Variants in TMC4 observed in about 807,000 individuals in gnomAD.
TMC4 encodes the protein transmembrane channel like 4.
A neutral mutation model predicts 82.0 loss-of-function variants in TMC4; 70 were observed. The observed-to-expected ratio is 0.85, with a 90% CI of 0.70 to 1.04. The LOEUF is 1.04. TMC4 is among the 50% of genes least tolerant of loss of function. The pLI is 0.00. For missense variants in TMC4, 879 were observed against 899.0 expected, an observed-to-expected ratio of 0.98 and a Z score of 0.28; for synonymous variants, 446 against 406.0, an observed-to-expected ratio of 1.10 and a Z score of -1.18.
intron 2 of TMC4, among the ~76,000 whole-genome samples, chr19:54,171,187 C>T (rs563286877): frequency 6.6e-6 from 1 of 152,258 alleles, no homozygotes; most frequent in East Asian, 1.9e-4. Flanking sequence ...TGGCTCACTG[C>T]AACCTCTATC....
Position 54,160,277 on chromosome 19 carries a change from G to A in TMC4, c.*29C>T. Reference sequence around the variant, plus strand: ...GACCTAGGCTTACAATGGGCCTGGGGTCTGAAAGCGGGACGTGGGCTGCGG... The same window carrying A: ...GACCTAGGCTTACAATGGGCCTGGGATCTGAAAGCGGGACGTGGGCTGCGG... On this transcript the variant is annotated 3_prime_UTR_variant, in exon 15 of 15. Transcript: ENST00000619895. 1 of 1,512,906 alleles carries A rather than the reference G, an allele frequency of 6.6e-7. No individual in the cohort carries two copies. Among genetic ancestry groups the A allele is most frequent in the South Asian group, 1.3e-5 (1 of 74,724 alleles). The allele number at this position is 1,512,906 out of a possible 1,614,324, so 93.7% of individuals were successfully genotyped here.
At position 54,169,462 on chromosome 19, in the gene TMC4, C is replaced by T. The variant is rs575000440; in HGVS notation, c.442+50G>A. 3.7e-4 allele frequency: 572 copies of T among 1,562,266 alleles called. 6 individuals carry two copies. In the South Asian group the frequency reaches 5.2e-3, roughly 14 times the overall value. On this transcript the variant is annotated intron_variant, in intron 3 of 14. Coordinates refer to ENST00000619895, the MANE Select transcript of TMC4 (RefSeq NM_144686.4). ...CGTCCCCAGCCCCTCCTCCCTCAGA[C>T]CCAGGAGTCCAGGCCCTGCCCCCAG... is the stretch of plus-strand genomic sequence containing the variant.
intron 11 of TMC4, among the ~76,000 whole-genome samples, chr19:54,161,685 C>T (rs2075558917): frequency 6.6e-6 from 1 of 152,140 alleles, no homozygotes; most frequent in Non-Finnish European, 1.5e-5. Context: ...ATTACAGGCG[C>T]CTGCCACTAA....
At chr19:54,161,609 G>C (rs1484805942) in intron 11 of TMC4, among the ~76,000 whole-genome samples, 1 of 151,752 alleles carries the variant, frequency 6.6e-6, no homozygotes. Flanking sequence ...CACGATCTTG[G>C]CTCACTTCGA....
chr19:54,165,690 T>A, intron 5 of TMC4, 124 bp from the exon 6 acceptor site: 1 of 1,119,158 alleles, frequency 8.9e-7, no homozygotes, highest in South Asian at 1.6e-5. Context: ...CTAGGCGAGT[T>A]CCCACCAGAC....
In TMC4 at chr19:54,169,576, C is replaced by G; in HGVS notation, c.378G>C (p.Lys126Asn). The change falls in exon 3 of 15, where the codon AAG becomes AAC. Residue 126 changes from lysine (K) to asparagine (N), a missense_variant. Coordinates refer to ENST00000619895, the MANE Select transcript of TMC4 (RefSeq NM_144686.4). ...TTCGCAAGCCTTCCTTTGTTTTCTC[C>G]TTGGACCTCCGAAGTAGCCGCGCCC... ...DRWARLLRRS[K>N]EKTKEGLRSL... 1.9e-6 allele frequency: 3 copies of G among 1,613,996 alleles called. No homozygotes were observed. The highest frequency in any genetic ancestry group is 2.5e-6 in the Non-Finnish European group (3 of 1,180,022).
At position 54,164,317 on chromosome 19, in the gene TMC4, C is replaced by T. The variant is rs553343050; in HGVS notation, c.1113+117G>A. The T allele has an allele frequency of 5.3e-6, 7 of 1,318,394 alleles. No homozygotes were observed. In the Admixed American group the frequency reaches 1.3e-4, roughly 25 times the overall value. The allele number at this position is 1,318,394 out of a possible 1,614,324, so 81.7% of individuals were successfully genotyped here. The stretch of plus-strand genomic sequence containing the variant: ...CCCTAAGTCCAGGGTCCGAACATAC[C>T]CTCTCCCATACTTCCTCTCTAAGAT... On this transcript the variant is annotated intron_variant, in intron 7 of 14. Transcript: ENST00000619895.
chr19:54,163,888 C>A lies in TMC4; in HGVS notation c.1114-1G>T. Reference sequence around the variant, plus strand: ...GCAACTCCTGGACAAGGGGCATCTCCTGGGAGCGGGATGGACCATGAGTAG... The same window carrying A: ...GCAACTCCTGGACAAGGGGCATCTCATGGGAGCGGGATGGACCATGAGTAG... On this transcript the variant is annotated splice_acceptor_variant, in intron 7 of 14. Coordinates refer to ENST00000619895, the MANE Select transcript of TMC4 (RefSeq NM_144686.4). LOFTEE classifies it high-confidence loss of function. 6.2e-7 allele frequency: 1 copy of A among 1,614,038 alleles called. No homozygotes were observed. Among genetic ancestry groups the A allele is most frequent in the Non-Finnish European group, 8.5e-7 (1 of 1,180,008 alleles).
chr19:54,167,512 T>A (rs1175566022), intron 5 of TMC4, among the ~76,000 whole-genome samples: 1 of 151,150 alleles, frequency 6.6e-6, no homozygotes, highest in African/African-American at 2.4e-5. Context: ...TGAGCCAAGA[T>A]CGTGCCATTG....
chr19:54,165,525 T>G lies in TMC4; in HGVS notation c.839A>C (p.Glu280Ala). ...CCGGTGGCTGTAGCTGGTCAGAGCC[T>G]CGGACTCCGCCAGCAGTGTCTGCTT... is the stretch of plus-strand genomic sequence containing the variant. ...GLKQTLLAES[E>A]ALTSYSHRVF... Residue 280 changes from glutamate (E) to alanine (A), a missense_variant, in exon 6 of 15, where the codon GAG becomes GCG. Coordinates refer to ENST00000619895, the MANE Select transcript of TMC4 (RefSeq NM_144686.4). The G allele has an allele frequency of 6.2e-7, 1 of 1,611,768 alleles. No homozygotes were observed. The highest frequency in any genetic ancestry group is 8.5e-7 in the Non-Finnish European group (1 of 1,178,800).
At position 54,164,499 on chromosome 19, in the gene TMC4, C is replaced by CCA. The variant is rs767583303; in HGVS notation, c.1046_1047dup (p.Val350TrpfsTer34). 6.2e-7 allele frequency: 1 copy of CCA among 1,613,948 alleles called. No homozygotes were observed. The highest frequency in any genetic ancestry group is 8.5e-7 in the Non-Finnish European group (1 of 1,179,994). Reference sequence around the variant, plus strand: ...TAGAAGGCTGCCCCCAGGAGCGCGACCACCAGCAGGTTGAGCAGCACCCGC... The same window carrying CCA: ...TAGAAGGCTGCCCCCAGGAGCGCGACCACACCAGCAGGTTGAGCAGCACCCGC... On this transcript the variant is annotated frameshift_variant, in exon 7 of 15. Coordinates refer to ENST00000619895, the MANE Select transcript of TMC4 (RefSeq NM_144686.4). LOFTEE classifies it high-confidence loss of function.
At position 54,160,168 on chromosome 19, in the gene TMC4, C is replaced by A; in HGVS notation, c.*138G>T. On this transcript the variant is annotated 3_prime_UTR_variant, in exon 15 of 15. Transcript: ENST00000619895. Reference sequence around the variant, plus strand: ...GATCACCCGAGAGTCAGGGACGTGGCGGCGAGGGGCCCTGGAAATCTCCAG... The same window carrying A: ...GATCACCCGAGAGTCAGGGACGTGGAGGCGAGGGGCCCTGGAAATCTCCAG... 1 of 933,374 alleles carries A rather than the reference C, an allele frequency of 1.1e-6. No homozygotes were observed. The highest frequency in any genetic ancestry group is 2.8e-5 in the Admixed American group (1 of 36,182). 57.8% of individuals were successfully genotyped at this position (933,374 alleles called of 1,614,324 possible).
At chr19:54,163,380 A>G (rs2075619108) in intron 8 of TMC4, 3 of 649,646 alleles carry the variant, frequency 4.6e-6, no homozygotes, top group South Asian at 4.0e-5. Flanking sequence ...GCGCGATCTC[A>G]GCTCACTGCA....
At chr19:54,169,382 T>C (rs1359257206) in intron 3 of TMC4, 130 bp downstream of exon 3, 1 of 1,227,932 alleles carries the variant, frequency 8.1e-7, no homozygotes, top group Non-Finnish European at 1.1e-6. Context: ...CAGCCCCTCC[T>C]CCCTCAGACC....
At chr19:54,165,858 T>G (rs1600569307) in intron 5 of TMC4, among the ~76,000 whole-genome samples, 1 of 146,174 alleles carries the variant, frequency 6.8e-6, no homozygotes, top group East Asian at 2.0e-4. Flanking sequence ...AAACCCAGAG[T>G]GAGAGAAACA....
At chr19:54,169,960 G>A (rs2075844394) in intron 2 of TMC4, among the ~76,000 whole-genome samples, 1 of 151,954 alleles carries the variant, frequency 6.6e-6, no homozygotes, top group Non-Finnish European at 1.5e-5. Context: ...AATTAGCTGG[G>A]CCTGGTGGCG....
intron 11 of TMC4, among the ~76,000 whole-genome samples, chr19:54,161,510 G>A (rs955694198): frequency 4.0e-5 from 6 of 149,764 alleles, no homozygotes; most frequent in Non-Finnish European, 4.4e-5. Context: ...CACCACTCCC[G>A]GCTAATTTGT....
Sources: gnomAD v4.1 joint callset for allele counts (sites outside exome capture counted in the v4.1 genomes callset) on GRCh38, gnomAD v4.1.1 for gene constraint, MANE v1.5 for transcripts, NCBI Gene and HGNC (gene_info 2026-07-23, HGNC 2026-07-21) for gene names.